The following MYO7A variants were observed in gnomAD, a reference collection of about 807,000 sequenced individuals.
MYO7A encodes the protein myosin VIIA, also known as unconventional myosin-VIIa.
MYO7A carries 210 observed loss-of-function variants against 263.8 expected under a neutral mutation model. That is an observed-to-expected ratio of 0.80 (90% CI 0.71 to 0.89). The LOEUF is 0.89. MYO7A is among the 40% of genes least tolerant of loss of function. The probability of loss-of-function intolerance (pLI) is 0.00; values close to 1 mark genes in which losing one functional copy is unlikely to be tolerated. For missense variants in MYO7A, 2,820 were observed against 2,968.3 expected (o/e 0.95, Z 1.16); for synonymous variants, 1,239 against 1,197.3 (o/e 1.03, Z -0.72).
intron 4 of MYO7A, among the ~76,000 whole-genome samples, chr11:77,149,492 G>A (rs1227009123): frequency 6.6e-6 from 1 of 152,208 alleles, no homozygotes; most frequent in East Asian, 1.9e-4. Flanking sequence ...CAGGTTGTCA[G>A]GACCATGAAG....
chr11:77,175,801 T>G (rs1380424371), intron 18 of MYO7A, among the ~76,000 whole-genome samples: 1 of 152,186 alleles, frequency 6.6e-6, no homozygotes, highest in Non-Finnish European at 1.5e-5. Flanking sequence ...ATCTGTAAAT[T>G]GGGGTGTGCC....
chr11:77,130,366 T>C (rs1372506728), intron 1 of MYO7A, among the ~76,000 whole-genome samples: 2 of 152,230 alleles, frequency 1.3e-5, no homozygotes, highest in African/African-American at 4.8e-5. Context: ...TGAATGACAG[T>C]GGCTGAGAGA....
intron 31 of MYO7A, 171 bp from the exon 32 acceptor site, chr11:77,194,183 T>C (rs1956465561): frequency 2.4e-6 from 2 of 828,354 alleles, no homozygotes; most frequent in East Asian, 5.3e-5. Flanking sequence ...ATGGTTCCTC[T>C]GAGCAGACAA....
rs142951835 is a variant in MYO7A, at chr11:77,176,256, A to G, written c.2187+792A>G. Among the ~76,000 whole-genome samples, 14 of 152,296 alleles carry G rather than the reference A, an allele frequency of 9.2e-5. No individual in the cohort carries two copies. The East Asian group carries it at 2.7e-3, about 29-fold the overall frequency. ...AATTCCTCTCCAGCCAAGGGGCTTC[A>G]GGCTAGGCCCTTTCTCTCCTTGCAC... On this transcript the variant is annotated intron_variant, in intron 18 of 48. Coordinates refer to ENST00000409709, the MANE Select transcript of MYO7A (RefSeq NM_000260.4).
chr11:77,179,587 G>A (rs1389322234), intron 20 of MYO7A, 148 bp from the exon 21 acceptor site: 2 of 664,832 alleles, frequency 3.0e-6, no homozygotes, highest in South Asian at 2.1e-5. Context: ...TTCTAACGAT[G>A]GGGGGGCACT....
At chr11:77,129,599 C>G (rs1231915962) in intron 1 of MYO7A, among the ~76,000 whole-genome samples, 1 of 152,208 alleles carries the variant, frequency 6.6e-6, no homozygotes, top group Non-Finnish European at 1.5e-5. Context: ...TGGCCACATC[C>G]TGCCCTGGAT....
At chr11:77,145,163 T>C (rs1353988419) in intron 3 of MYO7A, among the ~76,000 whole-genome samples, 3 of 152,166 alleles carry the variant, frequency 2.0e-5, no homozygotes, top group African/African-American at 7.2e-5. Flanking sequence ...TCAGTGATTC[T>C]CTGTTAGGGA....
chr11:77,186,924 G>T (rs1450436378), intron 27 of MYO7A, among the ~76,000 whole-genome samples: 1 of 152,150 alleles, frequency 6.6e-6, no homozygotes, highest in Non-Finnish European at 1.5e-5. Flanking sequence ...AGTGAAAAAT[G>T]TGCGACGCTT....
chr11:77,198,364 C>A, intron 33 of MYO7A, 131 bp from the exon 34 acceptor site: 1 of 1,260,660 alleles, frequency 7.9e-7, no homozygotes, highest in Non-Finnish European at 1.1e-6. Context: ...AGTTTGTGCT[C>A]TCTGAGCCTC....
chr11:77,166,112 T>C lies in MYO7A; in HGVS notation c.1747T>C (p.Ser583Pro), dbSNP rs782627416. The C allele has an allele frequency of 1.2e-6, 2 of 1,613,826 alleles. No individual in the cohort carries two copies. Among genetic ancestry groups the C allele is most frequent in the Non-Finnish European group, 1.7e-6 (2 of 1,179,868 alleles). ...LHGDIIQLVH[S>P]SRNKFIKQIF... is the part of the protein sequence containing the mutation. ...TGGGGACATTATCCAGCTGGTCCACTCCTCCAGGAACAAGTTCATCAAGCA... is the reference window on the plus strand; with the variant it reads ...TGGGGACATTATCCAGCTGGTCCACCCCTCCAGGAACAAGTTCATCAAGCA... Residue 583 changes from serine to proline, a missense_variant, in exon 15 of 49, where the codon TCC becomes CCC. Transcript: ENST00000409709.
Position 77,203,266 on chromosome 11 carries a change from G to A in MYO7A, c.5326+49G>A, listed in dbSNP as rs1422597309. 2.6e-6 allele frequency: 4 copies of A among 1,530,504 alleles called. No homozygotes were observed. In the East Asian group the frequency reaches 9.8e-5, roughly 38 times the overall value. 94.8% of individuals were successfully genotyped at this position (1,530,504 alleles called of 1,614,324 possible). ...CCAGGGGAGCCAGGGACCGGGCAGG[G>A]CCTTCGTCTGCACACTGCCTTCCTC... On this transcript the variant is annotated intron_variant, in intron 38 of 48. Coordinates refer to ENST00000409709, the MANE Select transcript of MYO7A (RefSeq NM_000260.4).
Position 77,158,338 on chromosome 11 carries a change from C to T in MYO7A, c.911C>T (p.Ala304Val). 1 of 1,613,478 alleles carries T rather than the reference C, an allele frequency of 6.2e-7. No homozygotes were observed. Among genetic ancestry groups the T allele is most frequent in the South Asian group, 1.1e-5 (1 of 91,040 alleles). ...DSQEYANIRSAMKVLMFTDTE... is the reference protein window; with the variant it reads ...DSQEYANIRSVMKVLMFTDTE... ...CAGGAGTACGCCAACATCCGCTCCG[C>T]CATGAAGGTGCTCATGTTCACTGAC... The change falls in exon 9 of 49, where the codon GCC (alanine) becomes GTC (valine). Residue 304 changes from alanine (A) to valine (V), a missense_variant. Ala to Val is a moderately conservative substitution (Grantham distance 64, BLOSUM62 0). Coordinates refer to ENST00000409709, the MANE Select transcript of MYO7A (RefSeq NM_000260.4).
At chr11:77,180,304 G>C (rs1344051336) in intron 21 of MYO7A, 70 bp from the exon 22 acceptor site, 1 of 1,361,066 alleles carries the variant, frequency 7.3e-7, no homozygotes. Context: ...TGGGTGGGTG[G>C]AGCTGGTGGG....
chr11:77,145,427 C>A (rs1298947154), intron 3 of MYO7A, among the ~76,000 whole-genome samples: 1 of 152,154 alleles, frequency 6.6e-6, no homozygotes, highest in African/African-American at 2.4e-5. Flanking sequence ...CGGGGTCAGG[C>A]CGTGGCTGAG....
intron 16 of MYO7A, among the ~76,000 whole-genome samples, chr11:77,174,417 T>C (rs1226407746): frequency 6.6e-6 from 1 of 152,130 alleles, no homozygotes; most frequent in East Asian, 1.9e-4. Flanking sequence ...TCCAAACCTT[T>C]GCACAGGCTC....
rs1956162038 is a variant in MYO7A, at chr11:77,192,403, G to A, written c.4152+125G>A. ...GCTGGGGTGAGCCTGACTGCAACCA[G>A]GCACTCTTCAGGCTCCTGGATGGAC... On this transcript the variant is annotated intron_variant, in intron 31 of 48. Coordinates refer to ENST00000409709, the MANE Select transcript of MYO7A (RefSeq NM_000260.4). 3 of 982,416 alleles carry A rather than the reference G, an allele frequency of 3.1e-6. No homozygotes were observed. In the South Asian group the frequency reaches 4.5e-5, roughly 15 times the overall value. 60.9% of individuals were successfully genotyped at this position (982,416 alleles called of 1,614,324 possible). A position where few individuals can be genotyped will look rare whatever the true frequency, so the allele number is the denominator to read the frequency against.
chr11:77,182,603 G>A lies in MYO7A; in HGVS notation c.3285+3G>A, dbSNP rs1186153232. On this transcript the variant is annotated splice_donor_region_variant and intron_variant, in intron 25 of 48. Coordinates refer to ENST00000409709, the MANE Select transcript of MYO7A (RefSeq NM_000260.4). Reference sequence around the variant, plus strand: ...AGGCCCTGCAGGGCGAGGGCGAGGTGAGGCCAAGGTGCCCTCTGGATGATG... The same window carrying A: ...AGGCCCTGCAGGGCGAGGGCGAGGTAAGGCCAAGGTGCCCTCTGGATGATG... The A allele has an allele frequency of 3.7e-6, 6 of 1,612,744 alleles. No homozygotes were observed. Among genetic ancestry groups the A allele is most frequent in the African/African-American group, 1.3e-5 (1 of 74,952 alleles).
Position 77,160,974 on chromosome 11 carries a change from G to A in MYO7A, c.1202G>A (p.Gly401Glu). The A allele has an allele frequency of 6.3e-7, 1 of 1,599,120 alleles. No homozygotes were observed. Among genetic ancestry groups the A allele is most frequent in the Non-Finnish European group, 8.5e-7 (1 of 1,173,518 alleles). The change falls in exon 12 of 49, where the codon GGG (glycine) becomes GAG (glutamate). Residue 401 changes from glycine to glutamate, a missense_variant and splice_region_variant. Physicochemically the swap from Gly to Glu is moderately conservative, Grantham distance 98. Coordinates refer to ENST00000409709, the MANE Select transcript of MYO7A (RefSeq NM_000260.4). ...CAGTGGCTGATCACTGCCTTTCAGG[G>A]GATCTACGGGCGGCTGTTCGTGTGG... Reference protein sequence around the residue: ...ALDVRDAFVKGIYGRLFVWIV... With the variant: ...ALDVRDAFVKEIYGRLFVWIV...
At chr11:77,163,123 C>T in intron 14 of MYO7A, 135 bp downstream of exon 14, 1 of 915,040 alleles carries the variant, frequency 1.1e-6, no homozygotes, top group Non-Finnish European at 1.5e-6. Context: ...TATATATGAA[C>T]TTGACTAAAA....
Sources: gnomAD v4.1 joint callset for allele counts (sites outside exome capture counted in the v4.1 genomes callset) on GRCh38, gnomAD v4.1.1 for gene constraint, MANE v1.5 for transcripts, NCBI Gene and HGNC (gene_info 2026-07-23, HGNC 2026-07-21) for gene names.